The following ASTN2 variants were observed in gnomAD, a reference collection of about 807,000 sequenced individuals.
The protein encoded by ASTN2 is astrotactin 2, also known as astrotactin-2.
A neutral mutation model predicts 139.8 loss-of-function variants in ASTN2; 54 were observed. The observed-to-expected ratio is 0.39, with a 90% CI of 0.31 to 0.48. The LOEUF (loss-of-function observed/expected upper bound fraction) is 0.48, where lower values mean the gene tolerates loss of function less well. Ranked by LOEUF, ASTN2 falls within the 20% of genes least tolerant of loss-of-function variation. The pLI is 0.95. For missense variants in ASTN2, 1,565 were observed against 1,725.1 expected, an observed-to-expected ratio of 0.91 and a Z score of 1.64; for synonymous variants, 756 against 719.5, an observed-to-expected ratio of 1.05 and a Z score of -0.81.
chr9:117,345,500 CTG>C (rs1829187964), intron 1 of ASTN2, among the ~76,000 whole-genome samples: 1 of 152,166 alleles, frequency 6.6e-6, no homozygotes, highest in African/African-American at 2.4e-5. Flanking sequence ...GATAAGGAAA[CTG>C]TGGCTCAAAG....
chr9:117,009,521 G>T (rs1014993372), intron 6 of ASTN2, among the ~76,000 whole-genome samples: 1 of 152,070 alleles, frequency 6.6e-6, no homozygotes, highest in Non-Finnish European at 1.5e-5. Context: ...GAATTTCACA[G>T]GGGGAAAAAT....
chr9:116,998,574 CATCCATCCATA>C (rs1393584586), intron 7 of ASTN2, among the ~76,000 whole-genome samples: 1 of 148,848 alleles, frequency 6.7e-6, no homozygotes, highest in Non-Finnish European at 1.5e-5. Context: ...TCCATCCATA[CATCCATCCATA>C]CATCCATGCA....
intron 19 of ASTN2, among the ~76,000 whole-genome samples, chr9:116,499,864 A>T (rs1405048850): frequency 6.6e-6 from 1 of 152,114 alleles, no homozygotes; most frequent in African/African-American, 2.4e-5. Flanking sequence ...TTCTTATGAG[A>T]TTCTGTACGA....
intron 19 of ASTN2, among the ~76,000 whole-genome samples, chr9:116,511,276 A>T (rs111665364): frequency 6.6e-6 from 1 of 152,108 alleles, no homozygotes; most frequent in Non-Finnish European, 1.5e-5. Flanking sequence ...GATTTTTGTC[A>T]TTGGTTCTGT....
intron 20 of ASTN2, 88 bp from the exon 21 acceptor site, chr9:116,442,641 A>G: frequency 2.0e-6 from 2 of 1,002,462 alleles, no homozygotes; most frequent in South Asian, 2.6e-5. Context: ...GTCATGGCAC[A>G]TGAGGCTACA....
intron 2 of ASTN2, among the ~76,000 whole-genome samples, chr9:117,255,644 TG>T (rs1833665427): frequency 1.3e-5 from 2 of 152,224 alleles, no homozygotes; most frequent in African/African-American, 4.8e-5. Flanking sequence ...AGAAACAGAA[TG>T]GTGTGAGAAA....
intron 16 of ASTN2, among the ~76,000 whole-genome samples, chr9:116,652,506 T>C (rs1857976646): frequency 1.3e-5 from 2 of 152,154 alleles, no homozygotes; most frequent in South Asian, 2.1e-4. Context: ...AAAATTTATA[T>C]CTAGTCCTAT....
At chr9:116,921,556 C>T (rs1419833457) in intron 10 of ASTN2, among the ~76,000 whole-genome samples, 2 of 147,920 alleles carry the variant, frequency 1.4e-5, no homozygotes, top group African/African-American at 5.1e-5. Context: ...CCACTGTACT[C>T]CAGCCTGGGC....
At chr9:116,561,609 A>C (rs1852917769) in intron 19 of ASTN2, among the ~76,000 whole-genome samples, 1 of 152,214 alleles carries the variant, frequency 6.6e-6, no homozygotes, top group Non-Finnish European at 1.5e-5. Context: ...TAAAATGAGA[A>C]GGAGAAAACA....
At chr9:117,259,341 G>A (rs939918323) in intron 2 of ASTN2, among the ~76,000 whole-genome samples, 1 of 152,218 alleles carries the variant, frequency 6.6e-6, no homozygotes, top group South Asian at 2.1e-4. Context: ...CCATCTGAAT[G>A]GACCCCTCCT....
chr9:117,141,609 GA>G, intron 3 of ASTN2, 131 bp from the exon 4 acceptor site: 1 of 700,714 alleles, frequency 1.4e-6, no homozygotes, highest in East Asian at 6.8e-5. Flanking sequence ...CTAATTCCTT[GA>G]AACTCCCTCC....
At chr9:117,019,895 C>A (rs1038297338) in intron 6 of ASTN2, among the ~76,000 whole-genome samples, 6 of 152,020 alleles carry the variant, frequency 3.9e-5, no homozygotes, top group Admixed American at 1.3e-4. Flanking sequence ...TGTGTAATGG[C>A]ACATTGAGAT....
intron 2 of ASTN2, among the ~76,000 whole-genome samples, chr9:117,269,698 C>T (rs1278484567): frequency 6.6e-6 from 1 of 152,178 alleles, no homozygotes; most frequent in Non-Finnish European, 1.5e-5. Flanking sequence ...ATTTTTAATG[C>T]TCACAGCAAA....
chr9:116,634,312 C>A (rs1321651850), intron 17 of ASTN2, among the ~76,000 whole-genome samples: 1 of 151,826 alleles, frequency 6.6e-6, no homozygotes, highest in African/African-American at 2.4e-5. Flanking sequence ...AAAATAGGGC[C>A]GGGCGCGGTG....
intron 3 of ASTN2, among the ~76,000 whole-genome samples, chr9:117,160,846 G>A (rs376115046): frequency 6.6e-6 from 1 of 152,096 alleles, no homozygotes. Context: ...GAAAGGACAA[G>A]GTTTTGTGAG....
intron 6 of ASTN2, among the ~76,000 whole-genome samples, chr9:117,024,366 GA>G (rs1837988413): frequency 6.6e-6 from 1 of 151,976 alleles, no homozygotes; most frequent in African/African-American, 2.4e-5. Flanking sequence ...TCAATAACAG[GA>G]ATCATAATTA....
chr9:116,431,015 G>A (rs948189468), intron 22 of ASTN2, among the ~76,000 whole-genome samples: 11 of 152,192 alleles, frequency 7.2e-5, no homozygotes, highest in African/African-American at 2.7e-4. Context: ...CAGACCCACT[G>A]GGATAGGAAG....
intron 17 of ASTN2, among the ~76,000 whole-genome samples, chr9:116,629,756 ACAG>A (rs1856649639): frequency 6.6e-6 from 1 of 152,186 alleles, no homozygotes; most frequent in South Asian, 2.1e-4. Flanking sequence ...GCCCGACAGA[ACAG>A]CTCCTTAATC....
chr9:117,163,357 C>T (rs915491105), intron 3 of ASTN2, among the ~76,000 whole-genome samples: 1 of 152,008 alleles, frequency 6.6e-6, no homozygotes, highest in African/African-American at 2.4e-5. Flanking sequence ...AGAAAAGTCA[C>T]AGGACTGCCA....
Sources: gnomAD v4.1 joint callset for allele counts (sites outside exome capture counted in the v4.1 genomes callset) on GRCh38, gnomAD v4.1.1 for gene constraint, MANE v1.5 for transcripts, NCBI Gene and HGNC (gene_info 2026-07-23, HGNC 2026-07-21) for gene names.